RBFOX1: variants seen among roughly 807,000 people sequenced by gnomAD.
The protein encoded by RBFOX1 is RNA binding protein fox-1 homolog 1.
A neutral mutation model predicts 57.7 loss-of-function variants in RBFOX1; 8 were observed. The observed-to-expected ratio is 0.14, with a 90% CI of 0.08 to 0.25. The LOEUF (loss-of-function observed/expected upper bound fraction) is 0.25. Ranked by LOEUF, RBFOX1 falls within the 10% of genes least tolerant of loss-of-function variation. RBFOX1 has a pLI of 1.00. For missense variants in RBFOX1, 611 were observed against 548.5 expected (o/e 1.11, Z -1.14); for synonymous variants, 326 against 222.4 (o/e 1.47, Z -4.15).
intron 3 of RBFOX1, among the ~76,000 whole-genome samples, chr16:6,960,662 C>T (rs2082772609): frequency 6.6e-6 from 1 of 152,046 alleles, no homozygotes; most frequent in Admixed American, 6.6e-5. Flanking sequence ...GGAGACAGGA[C>T]ATACTCTTGC....
intron 2 of RBFOX1, among the ~76,000 whole-genome samples, chr16:6,613,499 T>A (rs1016701612): frequency 1.3e-5 from 2 of 152,096 alleles, no homozygotes; most frequent in Non-Finnish European, 2.9e-5. Flanking sequence ...GCATATAGAT[T>A]AGCATCACTT....
At chr16:6,942,700 G>A (rs2078762682) in intron 3 of RBFOX1, among the ~76,000 whole-genome samples, 1 of 152,088 alleles carries the variant, frequency 6.6e-6, no homozygotes, top group South Asian at 2.1e-4. Context: ...TTGACACTGG[G>A]GCATCTCTTT....
intron 3 of RBFOX1, among the ~76,000 whole-genome samples, chr16:6,970,290 C>T (rs559527338): frequency 6.6e-6 from 1 of 152,280 alleles, no homozygotes; most frequent in East Asian, 1.9e-4. Flanking sequence ...GACCCAACAA[C>T]ATCATCACCT....
At chr16:7,342,839 T>A (rs1038608972) in intron 4 of RBFOX1, among the ~76,000 whole-genome samples, 1 of 152,182 alleles carries the variant, frequency 6.6e-6, no homozygotes, top group East Asian at 1.9e-4. Flanking sequence ...ATAGTTGGAA[T>A]GACTAAGTCC....
At chr16:6,341,245 G>C (rs1445075004) in intron 2 of RBFOX1, among the ~76,000 whole-genome samples, 1 of 152,074 alleles carries the variant, frequency 6.6e-6, no homozygotes, top group Non-Finnish European at 1.5e-5. Context: ...TTGGCCACTA[G>C]AGGCTGCCTA....
chr16:7,174,204 G>C (rs1257512081), intron 4 of RBFOX1, among the ~76,000 whole-genome samples: 1 of 151,566 alleles, frequency 6.6e-6, no homozygotes, highest in African/African-American at 2.4e-5. Context: ...TCGTGAACAT[G>C]AGGATGAACA....
intron 4 of RBFOX1, among the ~76,000 whole-genome samples, chr16:7,341,786 C>CCTTT (rs1406310752): frequency 4.0e-4 from 31 of 78,122 alleles, no homozygotes; most frequent in South Asian, 1.8e-3. Flanking sequence ...CTCCTTCCTT[C>CCTTT]CTTCCTTCCT....
chr16:6,646,517 T>C (rs1186505075), intron 2 of RBFOX1, among the ~76,000 whole-genome samples: 2 of 152,138 alleles, frequency 1.3e-5, no homozygotes, highest in Non-Finnish European at 2.9e-5. Context: ...CTGCCTTTGG[T>C]TTATTGATTT....
chr16:5,273,621 A>G (rs1398081574), intron 1 of RBFOX1, among the ~76,000 whole-genome samples: 2 of 152,134 alleles, frequency 1.3e-5, no homozygotes, highest in Non-Finnish European at 2.9e-5. Flanking sequence ...GGAGTGGTGG[A>G]TATCAGAGGA....
intron 3 of RBFOX1, among the ~76,000 whole-genome samples, chr16:6,899,932 C>G (rs1234170549): frequency 6.6e-6 from 1 of 152,156 alleles, no homozygotes; most frequent in Admixed American, 6.5e-5. Flanking sequence ...ACCATTTGAA[C>G]TATGTTTAGT....
chr16:6,383,550 G>A (rs192120698), intron 2 of RBFOX1, among the ~76,000 whole-genome samples: 82 of 152,230 alleles, frequency 5.4e-4, no homozygotes, highest in South Asian at 2.5e-3. Context: ...TGAGGTGGGC[G>A]GATCACAAGG....
chr16:6,883,424 T>C (rs2063349473), intron 3 of RBFOX1, among the ~76,000 whole-genome samples: 1 of 152,188 alleles, frequency 6.6e-6, no homozygotes, highest in Admixed American at 6.5e-5. Flanking sequence ...AATTAATGTG[T>C]TGGTTCATAG....
intron 1 of RBFOX1, among the ~76,000 whole-genome samples, chr16:6,116,164 C>G (rs1597443537): frequency 6.6e-6 from 1 of 151,440 alleles, no homozygotes; most frequent in Non-Finnish European, 1.5e-5. Flanking sequence ...CAAACTAACA[C>G]AGGAACAGAA....
intron 3 of RBFOX1, among the ~76,000 whole-genome samples, chr16:5,654,740 C>T (rs1485567355): frequency 2.0e-5 from 3 of 152,116 alleles, no homozygotes; most frequent in Non-Finnish European, 2.9e-5. Flanking sequence ...CCTCCTGCAG[C>T]CTTTGCCATG....
chr16:7,583,780 A>G (rs752521831), intron 6 of RBFOX1, among the ~76,000 whole-genome samples: 70 of 152,178 alleles, frequency 4.6e-4, no homozygotes, highest in Admixed American at 1.4e-3. Flanking sequence ...CAAGAATTTT[A>G]GACCAGCCTG....
At chr16:7,138,416 T>C (rs1047195287) in intron 4 of RBFOX1, among the ~76,000 whole-genome samples, 1 of 152,158 alleles carries the variant, frequency 6.6e-6, no homozygotes, top group African/African-American at 2.4e-5. Flanking sequence ...TGGGACAAGA[T>C]TTCCTTATTG....
chr16:6,782,231 T>G (rs964008586), intron 3 of RBFOX1, among the ~76,000 whole-genome samples: 1 of 152,194 alleles, frequency 6.6e-6, no homozygotes, highest in African/African-American at 2.4e-5. Flanking sequence ...GATCTCTGTC[T>G]CTTGACCTCG....
At chr16:6,206,369 G>C (rs930586785) in intron 1 of RBFOX1, among the ~76,000 whole-genome samples, 1 of 152,108 alleles carries the variant, frequency 6.6e-6, no homozygotes, top group African/African-American at 2.4e-5. Flanking sequence ...TAGAGGTCTG[G>C]TTACTTCCTG....
At chr16:5,407,506 G>C (rs898416278) in intron 1 of RBFOX1, among the ~76,000 whole-genome samples, 2 of 152,092 alleles carry the variant, frequency 1.3e-5, no homozygotes, top group East Asian at 3.9e-4. Context: ...GATAGTGAGA[G>C]GTACTGGCAG....
Sources: allele counts gnomAD v4.1 joint callset (sites outside exome capture counted in the v4.1 genomes callset), GRCh38; gene constraint gnomAD v4.1.1; transcripts MANE v1.5; gene names NCBI Gene and HGNC (gene_info 2026-07-23, HGNC 2026-07-21).